Variants in CYSLTR1 observed in about 807,000 individuals in gnomAD.
CYSLTR1 encodes the protein cysteinyl leukotriene receptor 1, also known as G-protein coupled receptor HG55.
In CYSLTR1, 1 loss-of-function variant was observed where a neutral mutation model predicts 2.1. That is an observed-to-expected ratio of 0.48 (90% CI 0.17 to 2.28). The LOEUF is 2.28. Among genes scored for constraint, CYSLTR1 ranks in the 30% most tolerant of loss-of-function variants. The pLI is 0.26. For missense variants in CYSLTR1, 299 were observed against 250.1 expected (o/e 1.20, Z -1.32); for synonymous variants, 110 against 89.6 (o/e 1.23, Z -1.28).
intron 1 of CYSLTR1, among the ~76,000 whole-genome samples, chrX:78,309,778 A>G (rs1349523283): frequency 9.0e-6 from 1 of 111,230 alleles, no homozygotes. Context: ...CATCTAATAC[A>G]CTCCCCTCAT....
chrX:78,275,598 G>T (rs1921550633), intron 2 of CYSLTR1, among the ~76,000 whole-genome samples: 1 of 94,262 alleles, frequency 1.1e-5, no homozygotes, highest in Admixed American at 1.2e-4. Context: ...AGGGGAGGGG[G>T]GAGGGATAGC....
rs1017677369 is a variant in CYSLTR1, at chrX:78,273,759, A to C, written c.-13T>G. 5 of 1,180,422 alleles carry C rather than the reference A, an allele frequency of 4.2e-6. No individual in the cohort carries two copies. Among genetic ancestry groups the C allele is most frequent in the African/African-American group, 1.8e-5 (1 of 56,347 alleles). Reference sequence around the variant, plus strand: ...CTGTTTCATCCATGTTTCTCTACGAATGTCTGCTTTGTGCCTATAATAAAT... The same window carrying C: ...CTGTTTCATCCATGTTTCTCTACGACTGTCTGCTTTGTGCCTATAATAAAT... On this transcript the variant is annotated 5_prime_UTR_variant, in exon 3 of 3. Coordinates refer to ENST00000373304, the MANE Select transcript of CYSLTR1 (RefSeq NM_006639.4).
intron 1 of CYSLTR1, among the ~76,000 whole-genome samples, chrX:78,299,030 A>G (rs1005683878): frequency 2.7e-5 from 3 of 110,680 alleles, no homozygotes; most frequent in Non-Finnish European, 5.7e-5. Context: ...TTTTTTGTGC[A>G]TCCATTGTAC....
intron 1 of CYSLTR1, among the ~76,000 whole-genome samples, chrX:78,286,293 AT>A (rs1171679478): frequency 2.7e-5 from 3 of 111,026 alleles, no homozygotes; most frequent in Non-Finnish European, 3.8e-5. Context: ...AATAAAAAAA[AT>A]GTTGCTGAAT....
At chrX:78,316,395 C>A (rs1265153628) in intron 1 of CYSLTR1, among the ~76,000 whole-genome samples, 1 of 112,407 alleles carries the variant, frequency 8.9e-6, no homozygotes, top group Non-Finnish European at 1.9e-5. Context: ...AATGCAGGAG[C>A]CACAGCTGAC....
chrX:78,272,631 T>A lies in CYSLTR1; in HGVS notation c.*102A>T. On this transcript the variant is annotated 3_prime_UTR_variant, in exon 3 of 3. Transcript: ENST00000373304. ...TTGTAGGCCCAAATAGTTAAGTATT[T>A]GTAAAATATTAAGTAAAATTTTTAT... 1.2e-6 allele frequency: 1 copy of A among 831,113 alleles called. No homozygotes were observed. The highest frequency in any genetic ancestry group is 4.1e-5 in the South Asian group (1 of 24,458). The allele number at this position is 831,113 out of a possible 1,213,427, so 68.5% of individuals were successfully genotyped here. A position where few individuals can be genotyped will look rare whatever the true frequency, so the allele number is the denominator to read the frequency against.
intron 1 of CYSLTR1, among the ~76,000 whole-genome samples, chrX:78,294,344 T>C (rs1296713294): frequency 8.9e-6 from 1 of 112,534 alleles, no homozygotes; most frequent in Non-Finnish European, 1.9e-5. Flanking sequence ...ATCCTTCCTC[T>C]GAAAGCTTCA....
intron 1 of CYSLTR1, chrX:78,319,346 T>C (rs1349175917): frequency 5.0e-5 from 5 of 100,350 alleles, no homozygotes; most frequent in African/African-American, 1.8e-4. Flanking sequence ...TTCCTACCTA[T>C]GAGTGAGAAC....
chrX:78,294,788 A>T (rs963501187), intron 1 of CYSLTR1, among the ~76,000 whole-genome samples: 15 of 112,856 alleles, frequency 1.3e-4, no homozygotes, highest in African/African-American at 4.8e-4. Flanking sequence ...CTGCCGAGCT[A>T]GGCACATGAG....
chrX:78,310,739 T>A (rs1162741312), intron 1 of CYSLTR1, among the ~76,000 whole-genome samples: 1 of 111,221 alleles, frequency 9.0e-6, no homozygotes, highest in Non-Finnish European at 1.9e-5. Flanking sequence ...TGGGGAAGAG[T>A]ATCCTAGGTA....
rs184108336 is a variant in CYSLTR1 at position 78,296,627 on chromosome X, C to A, written c.-114-13087G>T. On this transcript the variant is annotated intron_variant, in intron 1 of 2. Coordinates refer to ENST00000373304, the MANE Select transcript of CYSLTR1 (RefSeq NM_006639.4). ...AATCTTTCACTTCTTTGGTTAATTC[C>A]TAGGTATTTAATTTTATTTGTGGCT... 9.7e-3 allele frequency among the ~76,000 whole-genome samples: 1,070 copies of A among 110,678 alleles called. 9 individuals are homozygous for A. The highest frequency in any genetic ancestry group is 0.016 in the Non-Finnish European group (868 of 52,662).
At chrX:78,303,520 C>T (rs1460454303) in intron 1 of CYSLTR1, among the ~76,000 whole-genome samples, 1 of 110,346 alleles carries the variant, frequency 9.1e-6, no homozygotes, top group African/African-American at 3.3e-5. Context: ...CACCTCGAGT[C>T]CCTGGTCATT....
chrX:78,293,386 C>T (rs1922439464), intron 1 of CYSLTR1, among the ~76,000 whole-genome samples: 1 of 111,731 alleles, frequency 9.0e-6, no homozygotes, highest in Non-Finnish European at 1.9e-5. Flanking sequence ...GGTCACCCGA[C>T]CTTTCTCTCT....
At chrX:78,296,378 TG>T (rs1569552339) in intron 1 of CYSLTR1, among the ~76,000 whole-genome samples, 1 of 111,909 alleles carries the variant, frequency 8.9e-6, no homozygotes, top group Non-Finnish European at 1.9e-5. Flanking sequence ...TTGGCTATTC[TG>T]GGTCTGTTGT....
chrX:78,291,289 G>C (rs1256019766), intron 1 of CYSLTR1, among the ~76,000 whole-genome samples: 1 of 111,949 alleles, frequency 8.9e-6, no homozygotes, highest in Non-Finnish European at 1.9e-5. Context: ...AACCAGCCTT[G>C]CATCCCAGGG....
At chrX:78,277,342 C>A (rs1185451656) in intron 2 of CYSLTR1, among the ~76,000 whole-genome samples, 1 of 111,517 alleles carries the variant, frequency 9.0e-6, no homozygotes, top group Admixed American at 9.6e-5. Context: ...TTGCTAGCAG[C>A]CACCACCATA....
chrX:78,275,696 G>T (rs1156535342), intron 2 of CYSLTR1, among the ~76,000 whole-genome samples: 1 of 111,136 alleles, frequency 9.0e-6, no homozygotes, highest in South Asian at 3.8e-4. Context: ...AAACTTGCAC[G>T]TTGTGCACAT....
intron 1 of CYSLTR1, among the ~76,000 whole-genome samples, chrX:78,290,109 G>A (rs1399860523): frequency 8.9e-6 from 1 of 112,027 alleles, no homozygotes; most frequent in African/African-American, 3.2e-5. Flanking sequence ...TTACATTTAA[G>A]TCTTTAATCC....
chrX:78,324,928 A>G (rs1465999807), intron 1 of CYSLTR1, among the ~76,000 whole-genome samples: 1 of 111,108 alleles, frequency 9.0e-6, no homozygotes, highest in Non-Finnish European at 1.9e-5. Flanking sequence ...AACTAGACAT[A>G]CTTATATATT....
Sources: allele counts gnomAD v4.1 joint callset (sites outside exome capture counted in the v4.1 genomes callset), GRCh38; gene constraint gnomAD v4.1.1; transcripts MANE v1.5; gene names NCBI Gene and HGNC (gene_info 2026-07-23, HGNC 2026-07-21).